TRIQK: variants seen among roughly 807,000 people sequenced by gnomAD.
TRIQK encodes triple QxxK/R motif containing.
Under a neutral mutation model 10.8 loss-of-function variants are expected in TRIQK, and 10 were observed. The ratio of observed to expected loss-of-function variants is 0.92; its 90% confidence interval spans 0.57 to 1.57. The LOEUF (loss-of-function observed/expected upper bound fraction) is 1.57. Ranked by LOEUF, TRIQK falls within the 40% of genes most tolerant of loss-of-function variation. The pLI is 0.00. For synonymous variants in TRIQK, 33 were observed against 33.7 expected, an observed-to-expected ratio of 0.98 and a Z score of 0.07; for missense variants, 107 against 97.7, an observed-to-expected ratio of 1.09 and a Z score of -0.40.
At chr8:92,889,616 A>G (rs572096070) in intron 4 of TRIQK, among the ~76,000 whole-genome samples, 124 of 151,794 alleles carry the variant, frequency 8.2e-4, no homozygotes, top group Non-Finnish European at 1.2e-3. Flanking sequence ...AGACTTACTT[A>G]CACAAACTGG....
rs1036174183 is a variant in TRIQK, at chr8:93,006,754, T to C, written c.-181+10855A>G. ...TGTGGCCCATCTTGGCCAGACTGCCTCTTTAGGCAGGACTTAGACTCCTCC... is the reference window on the plus strand; with the variant it reads ...TGTGGCCCATCTTGGCCAGACTGCCCCTTTAGGCAGGACTTAGACTCCTCC... On this transcript the variant is annotated intron_variant, in intron 1 of 4. Transcript: ENST00000520686. 3.3e-5 allele frequency among the ~76,000 whole-genome samples: 5 copies of C among 152,142 alleles called. 1 individual carries two copies. The South Asian group carries it at 1.0e-3, about 31-fold the overall frequency.
intron 1 of TRIQK, among the ~76,000 whole-genome samples, chr8:92,964,554 T>A (rs1211026239): frequency 1.4e-5 from 2 of 146,788 alleles, no homozygotes; most frequent in African/African-American, 5.1e-5. Flanking sequence ...CAACACAGAA[T>A]CAATAATGAA....
intron 1 of TRIQK, among the ~76,000 whole-genome samples, chr8:92,997,426 A>G (rs989676133): frequency 6.6e-6 from 1 of 152,080 alleles, no homozygotes; most frequent in Non-Finnish European, 1.5e-5. Context: ...TTAGGTTACA[A>G]AGTACTTTGA....
At chr8:92,907,363 A>T (rs1416180421) in intron 3 of TRIQK, among the ~76,000 whole-genome samples, 1 of 152,164 alleles carries the variant, frequency 6.6e-6, no homozygotes, top group African/African-American at 2.4e-5. Context: ...TTCACTTAAC[A>T]GTGTGTGTAT....
intron 4 of TRIQK, among the ~76,000 whole-genome samples, chr8:92,890,256 A>G (rs942794103): frequency 3.3e-5 from 5 of 151,774 alleles, no homozygotes; most frequent in Non-Finnish European, 7.4e-5. Context: ...AAAAAGTTTC[A>G]TATCATCTTA....
intron 2 of TRIQK, among the ~76,000 whole-genome samples, chr8:92,945,039 C>G (rs1330321929): frequency 1.3e-5 from 2 of 152,088 alleles, no homozygotes; most frequent in African/African-American, 4.8e-5. Flanking sequence ...TGAGTGCTGA[C>G]TGTGGTGTAG....
At chr8:93,012,466 TGTG>T (rs1193053325) in intron 1 of TRIQK, among the ~76,000 whole-genome samples, 3 of 152,160 alleles carry the variant, frequency 2.0e-5, no homozygotes, top group African/African-American at 4.8e-5. Context: ...AACTCTTCAT[TGTG>T]GTTATGAATA....
intron 1 of TRIQK, among the ~76,000 whole-genome samples, chr8:92,996,516 T>C (rs536982022): frequency 6.6e-6 from 1 of 152,160 alleles, no homozygotes; most frequent in African/African-American, 2.4e-5. Flanking sequence ...TATATGTATG[T>C]GAATTGAATA....
At chr8:92,928,071 G>C (rs543899293) in intron 2 of TRIQK, 17 of 152,200 alleles carry the variant, frequency 1.1e-4, no homozygotes, top group African/African-American at 4.1e-4. Context: ...TGGGTTCAAG[G>C]GGGATATAAA....
intron 1 of TRIQK, among the ~76,000 whole-genome samples, chr8:92,985,401 TTTC>T (rs1322533038): frequency 6.6e-6 from 1 of 152,196 alleles, no homozygotes; most frequent in Admixed American, 6.5e-5. Context: ...CCACCCACTG[TTTC>T]TTCTTCTACT....
chr8:92,903,517 C>T (rs1384629437), intron 3 of TRIQK, among the ~76,000 whole-genome samples: 1 of 152,000 alleles, frequency 6.6e-6, no homozygotes, highest in Non-Finnish European at 1.5e-5. Context: ...AAGGTACATG[C>T]ATAGTTAGGA....
rs1810443214 is a variant in TRIQK at position 92,926,243 on chromosome 8, G to A, written c.-21-9233C>T. 4 of 151,954 alleles carry A rather than the reference G, an allele frequency of 2.6e-5. 1 individual carries two copies. In the South Asian group the frequency reaches 6.2e-4, roughly 24 times the overall value. 9.4% of individuals were successfully genotyped at this position (151,954 alleles called of 1,614,324 possible). On this transcript the variant is annotated intron_variant, in intron 2 of 4. Transcript: ENST00000521988. ...TATGCAGAGAAAAAGAAACCATGAT[G>A]TCTCTGTACTTAAATGGTCATTCAT...
chr8:93,015,959 TAAAAC>T (rs1379096154), intron 1 of TRIQK, among the ~76,000 whole-genome samples: 1 of 152,046 alleles, frequency 6.6e-6, no homozygotes, highest in East Asian at 1.9e-4. Flanking sequence ...AAAAAATAAA[TAAAAC>T]AGAACTTTCC....
intron 2 of TRIQK, among the ~76,000 whole-genome samples, chr8:92,925,725 T>C (rs1307974594): frequency 2.0e-5 from 3 of 152,142 alleles, no homozygotes; most frequent in Non-Finnish European, 4.4e-5. Context: ...TAAAAAATAT[T>C]TCATATACAA....
intron 2 of TRIQK, among the ~76,000 whole-genome samples, chr8:92,943,308 A>C (rs1811363026): frequency 3.9e-5 from 6 of 152,164 alleles, no homozygotes. Flanking sequence ...CCTTCATACA[A>C]GTGGAAAAAA....
intron 2 of TRIQK, among the ~76,000 whole-genome samples, chr8:92,943,777 G>A (rs1014343239): frequency 1.3e-5 from 2 of 152,142 alleles, no homozygotes; most frequent in Non-Finnish European, 2.9e-5. Flanking sequence ...ACATTGGATT[G>A]AGCAAGGATT....
chr8:92,897,599 T>C (rs1037346445), intron 3 of TRIQK, among the ~76,000 whole-genome samples: 6 of 152,158 alleles, frequency 3.9e-5, no homozygotes, highest in African/African-American at 1.4e-4. Flanking sequence ...GCGTTGACCT[T>C]TGACTTTCCA....
intron 1 of TRIQK, among the ~76,000 whole-genome samples, chr8:92,994,639 T>G (rs1586525792): frequency 1.3e-5 from 2 of 152,178 alleles, no homozygotes; most frequent in South Asian, 2.1e-4. Context: ...TTTAACTTTG[T>G]TAATCTACAA....
chr8:92,943,311 G>A (rs1386535387), intron 2 of TRIQK, among the ~76,000 whole-genome samples: 1 of 151,884 alleles, frequency 6.6e-6, no homozygotes, highest in Admixed American at 6.6e-5. Context: ...TCATACAAGT[G>A]GAAAAAAACT....
Sources: gnomAD v4.1 joint callset for allele counts (sites outside exome capture counted in the v4.1 genomes callset) on GRCh38, gnomAD v4.1.1 for gene constraint, MANE v1.5 for transcripts, NCBI Gene and HGNC (gene_info 2026-07-23, HGNC 2026-07-21) for gene names.